Variants in EYS observed in about 807,000 individuals in gnomAD.
The protein encoded by EYS is EGF-like photoreceptor maintenance factor.
In EYS, 250 loss-of-function variants were observed where a neutral mutation model predicts 282.1. The ratio of observed to expected loss-of-function variants is 0.89; its 90% CI spans 0.80 to 0.98. The LOEUF is 0.98. EYS is among the 50% of genes least tolerant of loss of function. The pLI is 0.00. For missense variants in EYS, 4,016 were observed against 3,709.0 expected (o/e 1.08, Z -2.15); for synonymous variants, 1,355 against 1,282.9 (o/e 1.06, Z -1.20).
chr6:65,224,996 T>G (rs963285586), intron 12 of EYS, among the ~76,000 whole-genome samples: 5 of 152,050 alleles, frequency 3.3e-5, no homozygotes, highest in Non-Finnish European at 5.9e-5. Flanking sequence ...AAGAAAGTTT[T>G]TCAGATAATA....
chr6:64,072,039 C>A (rs545549119), intron 32 of EYS, among the ~76,000 whole-genome samples: 1 of 151,748 alleles, frequency 6.6e-6, no homozygotes, highest in Non-Finnish European at 1.5e-5. Flanking sequence ...ATTAGTGCTG[C>A]GCTTCAAGCT....
At chr6:64,452,776 T>C (rs947585419) in intron 26 of EYS, among the ~76,000 whole-genome samples, 1 of 152,182 alleles carries the variant, frequency 6.6e-6, no homozygotes, top group Non-Finnish European at 1.5e-5. Context: ...CCCTATTTAA[T>C]AAATGGTGCT....
intron 2 of EYS, among the ~76,000 whole-genome samples, chr6:65,597,553 T>C (rs990164152): frequency 9.2e-5 from 14 of 152,120 alleles, no homozygotes; most frequent in African/African-American, 3.4e-4. Flanking sequence ...GCATATATTA[T>C]TTTCAATTGT....
chr6:65,412,798 T>A lies in EYS; in HGVS notation c.863-7431A>T, dbSNP rs554132497. ...TCTTTTAATCTTCTTAACATGGTATTTCTAGAAAAAAATAGTTTATTTTTA... is the reference window on the plus strand; with the variant it reads ...TCTTTTAATCTTCTTAACATGGTATATCTAGAAAAAAATAGTTTATTTTTA... On this transcript the variant is annotated intron_variant, in intron 5 of 42. Coordinates refer to ENST00000503581, the MANE Select transcript of EYS (RefSeq NM_001142800.2). Among the ~76,000 whole-genome samples, 7 of 152,238 alleles carry A rather than the reference T, an allele frequency of 4.6e-5. No individual in the cohort carries two copies. In the South Asian group the frequency reaches 1.4e-3, roughly 32 times the overall value.
chr6:64,223,233 C>A (rs1376009293), intron 31 of EYS, among the ~76,000 whole-genome samples: 1 of 151,866 alleles, frequency 6.6e-6, no homozygotes, highest in Non-Finnish European at 1.5e-5. Context: ...ATTTCTCTGG[C>A]AGTATATAAG....
chr6:64,807,686 A>G (rs769687884), intron 22 of EYS, among the ~76,000 whole-genome samples: 1 of 152,140 alleles, frequency 6.6e-6, no homozygotes, highest in Non-Finnish European at 1.5e-5. Context: ...AACATACATT[A>G]CTAAAAATAA....
At chr6:64,663,434 A>G (rs1252926785) in intron 22 of EYS, among the ~76,000 whole-genome samples, 1 of 152,166 alleles carries the variant, frequency 6.6e-6, no homozygotes, top group Non-Finnish European at 1.5e-5. Context: ...ATGCTGTTTG[A>G]AAAAATAATC....
chr6:64,296,133 T>C (rs1199876438), intron 30 of EYS, among the ~76,000 whole-genome samples: 3 of 152,180 alleles, frequency 2.0e-5, no homozygotes, highest in Non-Finnish European at 4.4e-5. Flanking sequence ...TTATTAGTTA[T>C]CAAGTTTTGG....
At chr6:63,940,236 T>G (rs1288495017) in intron 35 of EYS, among the ~76,000 whole-genome samples, 1 of 152,148 alleles carries the variant, frequency 6.6e-6, no homozygotes, top group Non-Finnish European at 1.5e-5. Flanking sequence ...GTCTAATTGC[T>G]TGCTATGTAC....
chr6:63,975,979 C>T (rs770285764), intron 35 of EYS, among the ~76,000 whole-genome samples: 4 of 151,970 alleles, frequency 2.6e-5, no homozygotes, highest in Non-Finnish European at 5.9e-5. Context: ...TGCTCCTGAG[C>T]TATAATACAG....
chr6:64,667,814 A>C (rs1240516921), intron 22 of EYS, among the ~76,000 whole-genome samples: 2 of 152,170 alleles, frequency 1.3e-5, no homozygotes, highest in Non-Finnish European at 2.9e-5. Flanking sequence ...AATATATGAT[A>C]ATAAAAAATG....
intron 40 of EYS, among the ~76,000 whole-genome samples, chr6:63,770,370 T>C (rs1769900382): frequency 1.3e-5 from 2 of 152,102 alleles, no homozygotes; most frequent in Admixed American, 6.6e-5. Flanking sequence ...ATGAAAGTTA[T>C]TGGAGAAAAT....
intron 33 of EYS, among the ~76,000 whole-genome samples, chr6:64,034,792 G>T (rs889717553): frequency 1.3e-5 from 2 of 151,926 alleles, no homozygotes; most frequent in Admixed American, 6.6e-5. Context: ...GGACAATCAA[G>T]CATACAGTGA....
At chr6:65,282,808 G>A (rs1390806642) in intron 12 of EYS, among the ~76,000 whole-genome samples, 1 of 151,884 alleles carries the variant, frequency 6.6e-6, no homozygotes, top group African/African-American at 2.4e-5. Flanking sequence ...TAACTATAAT[G>A]TTTTTATTAA....
chr6:65,383,058 T>A (rs1245319227), intron 8 of EYS, among the ~76,000 whole-genome samples: 1 of 152,064 alleles, frequency 6.6e-6, no homozygotes, highest in African/African-American at 2.4e-5. Context: ...TTTGCTGTTA[T>A]TTTTGATTGC....
rs184197085 is a variant in EYS at position 64,997,746 on chromosome 6, C to A, written c.2138-43G>T. On this transcript the variant is annotated intron_variant, in intron 13 of 42. Coordinates refer to ENST00000503581, the MANE Select transcript of EYS (RefSeq NM_001142800.2). ...GAGAAAACTCTTAACATTCCTTTAA[C>A]CTTAGTACAGGTAATTATAATTAGT... 14 of 1,531,640 alleles carry A rather than the reference C, an allele frequency of 9.1e-6. No homozygotes were observed. In the East Asian group the frequency reaches 2.2e-4, roughly 24 times the overall value. The allele number at this position is 1,531,640 out of a possible 1,614,324, so 94.9% of individuals were successfully genotyped here.
Position 65,108,287 on chromosome 6 carries a change from T to TA in EYS, c.2024-50561dup, listed in dbSNP as rs780171367. The stretch of plus-strand genomic sequence containing the variant: ...TCTGTATAGAATTTGAGGTTGACTT[T>TA]AAAAAAATTACGCACTTTATTTTTT... On this transcript the variant is annotated intron_variant, in intron 12 of 42. Coordinates refer to ENST00000503581, the MANE Select transcript of EYS (RefSeq NM_001142800.2). 1.1e-4 allele frequency among the ~76,000 whole-genome samples: 16 copies of TA among 139,224 alleles called. 1 individual carries two copies. The highest frequency in any genetic ancestry group is 7.1e-5 in the Admixed American group (1 of 14,048). 91.3% of individuals were successfully genotyped at this position (139,224 alleles called of 152,430 possible). A position where few individuals can be genotyped will look rare whatever the true frequency, so the allele number is the denominator to read the frequency against.
intron 35 of EYS, among the ~76,000 whole-genome samples, chr6:63,974,540 A>G (rs1766741480): frequency 6.6e-6 from 1 of 152,006 alleles, no homozygotes. Context: ...TGAGTTCTCC[A>G]TGTATTATTA....
intron 12 of EYS, among the ~76,000 whole-genome samples, chr6:65,142,825 G>A (rs1329360718): frequency 6.6e-6 from 1 of 152,000 alleles, no homozygotes; most frequent in East Asian, 1.9e-4. Context: ...AGAAGATAGT[G>A]GAGTATTTTA....
Sources: gnomAD v4.1 joint callset for allele counts (sites outside exome capture counted in the v4.1 genomes callset) on GRCh38, gnomAD v4.1.1 for gene constraint, MANE v1.5 for transcripts, NCBI Gene and HGNC (gene_info 2026-07-23, HGNC 2026-07-21) for gene names.